Variants in LLGL2 observed in about 807,000 individuals in gnomAD.
The protein encoded by LLGL2 is LLGL scribble cell polarity complex component 2.
A neutral mutation model predicts 123.2 loss-of-function variants in LLGL2; 81 were observed. The ratio of observed to expected loss-of-function variants is 0.66; its 90% CI spans 0.55 to 0.79. LLGL2 has a LOEUF of 0.79. LLGL2 is among the 30% of genes least tolerant of loss of function. LLGL2 has a pLI of 0.00. For synonymous variants in LLGL2, 577 were observed against 594.1 expected, an observed-to-expected ratio of 0.97 and a Z score of 0.42; for missense variants, 1,273 against 1,414.6, an observed-to-expected ratio of 0.90 and a Z score of 1.61.
At position 75,564,165 on chromosome 17, in the gene LLGL2, G is replaced by C. The variant is rs1433211823; in HGVS notation, c.882-188G>C. On this transcript the variant is annotated intron_variant, in intron 9 of 25. Coordinates refer to ENST00000392550, the MANE Select transcript of LLGL2 (RefSeq NM_001031803.2). This position sits in a 1 kb window ranked among gnomAD's most constrained non-coding sequence, Gnocchi z 4.9. Reference sequence around the variant, plus strand: ...AGGCAGGAGTGGCTGCTGAGACTCAGAGCCCCCAGCCTGGATGCCCTCACC... The same window carrying C: ...AGGCAGGAGTGGCTGCTGAGACTCACAGCCCCCAGCCTGGATGCCCTCACC... Among the ~76,000 whole-genome samples the C allele has an allele frequency of 2.6e-5, 4 of 152,196 alleles. 1 individual carries two copies. Among genetic ancestry groups the C allele is most frequent in the Non-Finnish European group, 5.9e-5 (4 of 68,044 alleles).
rs372261133 is a variant in LLGL2 at position 75,573,313 on chromosome 17, C to T, written c.2725+35C>T. On this transcript the variant is annotated intron_variant, in intron 20 of 25. Coordinates refer to ENST00000392550, the MANE Select transcript of LLGL2 (RefSeq NM_001031803.2). ...CCGGGCTGGGTGGGTGTCGGGGCCC[C>T]GGGCACTGCACGGACGGGAAGGGTG... is the stretch of plus-strand genomic sequence containing the variant. 208 of 1,576,536 alleles carry T rather than the reference C, an allele frequency of 1.3e-4. 1 individual carries two copies. The African/African-American group carries it at 2.3e-3, about 17-fold the overall frequency.
chr17:75,533,948 G>A (rs1184962645), intron 1 of LLGL2, among the ~76,000 whole-genome samples: 1 of 152,252 alleles, frequency 6.6e-6, no homozygotes, highest in African/African-American at 2.4e-5. Flanking sequence ...GCACCTGGAT[G>A]AGGCCAGCAC....
intron 2 of LLGL2, among the ~76,000 whole-genome samples, chr17:75,554,990 GAC>G (rs2054841204): frequency 6.6e-6 from 1 of 150,680 alleles, no homozygotes; most frequent in East Asian, 2.0e-4. Flanking sequence ...AGGAGATAGA[GAC>G]ACGGTGAAAC....
At chr17:75,526,476 A>G (rs1375547994) in intron 1 of LLGL2, among the ~76,000 whole-genome samples, 2 of 152,196 alleles carry the variant, frequency 1.3e-5, no homozygotes, top group African/African-American at 2.4e-5. Context: ...GGAAAATTCT[A>G]TCTTGCCAAA....
intron 1 of LLGL2, among the ~76,000 whole-genome samples, chr17:75,531,668 C>A (rs1302487020): frequency 6.6e-6 from 1 of 152,232 alleles, no homozygotes; most frequent in Non-Finnish European, 1.5e-5. Flanking sequence ...CGGGCGTCCC[C>A]CAGCGGGGCC....
In LLGL2 at chr17:75,558,248, G is replaced by A. The variant is rs767282638; in HGVS notation, c.255+12G>A. ...TCCTGCCCGGCCAGGTGAGGGACCT[G>A]GGGTGGGACAGGAAGCCACTTCCAT... is the stretch of plus-strand genomic sequence containing the variant. On this transcript the variant is annotated intron_variant, in intron 4 of 25. Coordinates refer to ENST00000392550, the MANE Select transcript of LLGL2 (RefSeq NM_001031803.2). The surrounding 1 kb of genome is among the most constrained non-coding windows in gnomAD (Gnocchi z 4.0). The A allele has an allele frequency of 2.9e-5, 46 of 1,608,100 alleles. No individual in the cohort carries two copies. Among genetic ancestry groups the A allele is most frequent in the Middle Eastern group, 1.6e-4 (1 of 6,066 alleles).
At chr17:75,569,412 C>A in intron 14 of LLGL2, 87 bp downstream of exon 14, 1 of 1,102,304 alleles carries the variant, frequency 9.1e-7, no homozygotes, top group Non-Finnish European at 1.4e-6. Flanking sequence ...ACCTGCCTAA[C>A]GCACATTCTG....
chr17:75,553,570 G>T (rs941341980), intron 2 of LLGL2, among the ~76,000 whole-genome samples: 2 of 152,192 alleles, frequency 1.3e-5, no homozygotes, highest in Non-Finnish European at 2.9e-5. Flanking sequence ...GCCTAAGGAG[G>T]CTGCCTCATT....
At chr17:75,565,828 G>A (rs563613304) in intron 10 of LLGL2, among the ~76,000 whole-genome samples, 45 of 152,282 alleles carry the variant, frequency 3.0e-4, no homozygotes, top group African/African-American at 1.0e-3. Context: ...CTGCTGTGCC[G>A]GGTTGTGACC....
intron 10 of LLGL2, chr17:75,568,261 C>T: frequency 1.4e-6 from 2 of 1,425,172 alleles, no homozygotes; most frequent in South Asian, 1.5e-5. Context: ...CCCAGGAGCC[C>T]TGTGCCAGGG....
Position 75,556,189 on chromosome 17 carries a change from G to A in LLGL2, c.173+46G>A. 6.8e-7 allele frequency: 1 copy of A among 1,461,506 alleles called. No homozygotes were observed. Among genetic ancestry groups the A allele is most frequent in the Non-Finnish European group, 9.5e-7 (1 of 1,051,772 alleles). The allele number at this position is 1,461,506 out of a possible 1,614,324, so 90.5% of individuals were successfully genotyped here. ...CCCACTCGGGCAGGGCCTTGGGGTG[G>A]GTGAGATTTGGGGAGGGACATCTTT... On this transcript the variant is annotated intron_variant, in intron 3 of 25. Transcript: ENST00000392550.
chr17:75,572,721 G>A (rs547325474), intron 19 of LLGL2, among the ~76,000 whole-genome samples: 65 of 150,382 alleles, frequency 4.3e-4, no homozygotes, highest in African/African-American at 1.5e-3. Flanking sequence ...AGCTCTACTC[G>A]GGAGGCTGAG....
chr17:75,557,914 T>C (rs2054989161), intron 3 of LLGL2: 8 of 570,230 alleles, frequency 1.4e-5, no homozygotes, highest in Non-Finnish European at 2.6e-5. Flanking sequence ...TCTATGGAGT[T>C]GCTCCCACCG....
At chr17:75,550,334 C>T (rs960349924) in intron 2 of LLGL2, among the ~76,000 whole-genome samples, 1 of 152,140 alleles carries the variant, frequency 6.6e-6, no homozygotes, top group South Asian at 2.1e-4. Flanking sequence ...ATATGCACTC[C>T]CTCTAACAGG....
At chr17:75,569,879 C>T (rs1052492434) in intron 14 of LLGL2, 84 bp from the exon 15 acceptor site, 3 of 1,412,380 alleles carry the variant, frequency 2.1e-6, no homozygotes, top group Non-Finnish European at 2.9e-6. Context: ...GGGCCCAGCT[C>T]CTTTGCTGTC....
intron 1 of LLGL2, among the ~76,000 whole-genome samples, chr17:75,536,768 T>C (rs2147138582): frequency 6.6e-6 from 1 of 152,338 alleles, no homozygotes; most frequent in Middle Eastern, 3.4e-3. Context: ...TCTACCTGAC[T>C]CTTGGATTCT....
chr17:75,574,328 C>G, intron 23 of LLGL2, 68 bp downstream of exon 23: 1 of 1,523,084 alleles, frequency 6.6e-7, no homozygotes, highest in Non-Finnish European at 8.8e-7. Flanking sequence ...TCAAGGGAGG[C>G]TGGGCAGGCC....
rs1376437156 is a variant in LLGL2 at position 75,571,347 on chromosome 17, CTT to C, written c.2176+248_2176+249del. The C allele has an allele frequency of 2.2e-5, 13 of 580,922 alleles. No individual in the cohort carries two copies. In the Admixed American group the frequency reaches 3.1e-4, roughly 14 times the overall value. The allele number at this position is 580,922 out of a possible 1,614,324, so 36.0% of individuals were successfully genotyped here. ...TAGAAGCATGGCCTCAGACCCATCACTTAGCCTTTCAGGGCCTCAGCTTGCTT... is the reference window on the plus strand; with the variant it reads ...TAGAAGCATGGCCTCAGACCCATCACAGCCTTTCAGGGCCTCAGCTTGCTT... On this transcript the variant is annotated intron_variant, in intron 17 of 25. Transcript: ENST00000392550.
intron 2 of LLGL2, among the ~76,000 whole-genome samples, chr17:75,551,236 C>T (rs1348069870): frequency 1.3e-5 from 2 of 152,130 alleles, no homozygotes; most frequent in African/African-American, 2.4e-5. Flanking sequence ...TGGAACAATG[C>T]GAGCCTCGGA....
Sources: allele counts gnomAD v4.1 joint callset (sites outside exome capture counted in the v4.1 genomes callset), GRCh38; gene constraint gnomAD v4.1.1; non-coding constraint Gnocchi (gnomAD v3.1); transcripts MANE v1.5; gene names NCBI Gene and HGNC (gene_info 2026-07-23, HGNC 2026-07-21).